The following SH3BP4 variants were observed in gnomAD, a reference collection of about 807,000 sequenced individuals.
SH3BP4 encodes SH3 domain binding protein 4.
SH3BP4 carries 33 observed loss-of-function variants against 65.5 expected under a neutral mutation model. The ratio of observed to expected loss-of-function variants is 0.50; its 90% CI spans 0.38 to 0.67. The LOEUF (loss-of-function observed/expected upper bound fraction) is 0.67. Among genes scored for constraint, SH3BP4 ranks in the 30% least tolerant of loss-of-function variants. SH3BP4 has a pLI of 0.00. For missense variants in SH3BP4, 1,134 were observed against 1,261.4 expected (o/e 0.90, Z 1.53); for synonymous variants, 552 against 545.5 (o/e 1.01, Z -0.17).
chr2:234,995,241 C>A (rs1438309522), intron 1 of SH3BP4, 62 bp from the exon 2 acceptor site: 1 of 152,400 alleles, frequency 6.6e-6, no homozygotes, highest in Non-Finnish European at 1.5e-5. Context: ...TGGCGGGAAG[C>A]AGGCCTGAGT....
chr2:234,989,523 C>T (rs1015610480), intron 1 of SH3BP4, among the ~76,000 whole-genome samples: 3 of 152,106 alleles, frequency 2.0e-5, no homozygotes, highest in African/African-American at 4.8e-5. Flanking sequence ...TTGCCCACTG[C>T]GTAAGTAGGA....
chr2:235,050,601 G>A (rs879400947), intron 4 of SH3BP4, among the ~76,000 whole-genome samples: 15 of 151,972 alleles, frequency 9.9e-5, no homozygotes, highest in East Asian at 1.9e-4. Context: ...CACCTAGAAG[G>A]ATCGTGAGTC....
At chr2:234,973,056 T>C (rs1693044637) in intron 1 of SH3BP4, among the ~76,000 whole-genome samples, 1 of 152,216 alleles carries the variant, frequency 6.6e-6, no homozygotes, top group Admixed American at 6.5e-5. Context: ...GTTACATGTG[T>C]ATCATAGAAG....
chr2:235,016,297 C>T (rs1694682589), intron 2 of SH3BP4, among the ~76,000 whole-genome samples: 1 of 152,136 alleles, frequency 6.6e-6, no homozygotes, highest in Non-Finnish European at 1.5e-5. Context: ...TTGTTTTCTG[C>T]TGCTTCTGTG....
In SH3BP4 at chr2:235,045,771, G is replaced by A. The variant is rs940491541; in HGVS notation, c.2478+2524G>A. 5.9e-5 allele frequency among the ~76,000 whole-genome samples: 9 copies of A among 152,110 alleles called. 1 individual carries two copies. The highest frequency in any genetic ancestry group is 3.9e-4 in the East Asian group (2 of 5,188). ...CACGATTTCTGCGGCCTCTGCCACC[G>A]CTTTACCTGCCCCTCCCAGAGAGTC... On this transcript the variant is annotated intron_variant, in intron 4 of 5. Transcript: ENST00000392011. This position sits in a 1 kb window ranked among gnomAD's most constrained non-coding sequence, Gnocchi z 4.3.
Position 235,034,979 on chromosome 2 carries a change from T to C in SH3BP4, c.-24T>C. 2 of 1,601,582 alleles carry C rather than the reference T, an allele frequency of 1.2e-6. No individual in the cohort carries two copies. The highest frequency in any genetic ancestry group is 1.7e-6 in the Non-Finnish European group (2 of 1,169,106). ...GGAAGAAATATGAAGCCTTAGCGGC[T>C]TTACCCGGGAAGCGAGTTTCGAGAT... is the stretch of plus-strand genomic sequence containing the variant. On this transcript the variant is annotated 5_prime_UTR_variant, in exon 3 of 6. Transcript: ENST00000392011. The surrounding 1 kb of genome is among the most constrained non-coding windows in gnomAD (Gnocchi z 6.2).
chr2:235,017,045 C>CTTTTT (rs995197698), intron 2 of SH3BP4, among the ~76,000 whole-genome samples: 853 of 86,536 alleles, frequency 9.9e-3, no homozygotes, highest in East Asian at 0.017. Flanking sequence ...GTTTGCCTTT[C>CTTTTT]TTTTTTTTTT....
At chr2:235,036,178 C>T (rs1695372393) in intron 3 of SH3BP4, among the ~76,000 whole-genome samples, 1 of 152,194 alleles carries the variant, frequency 6.6e-6, no homozygotes, top group African/African-American at 2.4e-5. Context: ...ACATCTTCTC[C>T]CTGCCTCTGA....
chr2:234,964,780 T>C (rs1016718451), intron 1 of SH3BP4, among the ~76,000 whole-genome samples: 3 of 152,104 alleles, frequency 2.0e-5, no homozygotes, highest in Non-Finnish European at 4.4e-5. Context: ...CTTCCCTCGC[T>C]TTGAACTTGT....
At chr2:235,013,545 G>A (rs1428211079) in intron 2 of SH3BP4, among the ~76,000 whole-genome samples, 2 of 152,286 alleles carry the variant, frequency 1.3e-5, no homozygotes, top group African/African-American at 4.8e-5. Flanking sequence ...TGCATATACC[G>A]CTGCAGACGA....
intron 1 of SH3BP4, among the ~76,000 whole-genome samples, chr2:234,985,478 A>G (rs73124253): frequency 0.011 from 1,709 of 152,326 alleles, 35 homozygotes; most frequent in African/African-American, 0.036. Context: ...CTCTGTGCAC[A>G]GCTGTTTTTG....
At chr2:234,959,653 CTTTT>C (rs148083180) in intron 1 of SH3BP4, among the ~76,000 whole-genome samples, 6 of 123,798 alleles carry the variant, frequency 4.8e-5, no homozygotes, top group Non-Finnish European at 8.8e-5. Flanking sequence ...GAGGATTTGA[CTTTT>C]TTTTTTTTTT....
intron 1 of SH3BP4, chr2:234,994,790 G>A (rs1176691054): frequency 2.0e-5 from 3 of 152,314 alleles, no homozygotes; most frequent in Non-Finnish European, 4.4e-5. Flanking sequence ...TCCCTGTGAA[G>A]CGGAACGTGA....
chr2:235,040,764 G>A (rs1056786846), intron 3 of SH3BP4, 124 bp from the exon 4 acceptor site: 1 of 807,664 alleles, frequency 1.2e-6, no homozygotes, highest in African/African-American at 1.7e-5. Context: ...GTTTGTTTCT[G>A]TTGGTGACTT....
intron 1 of SH3BP4, among the ~76,000 whole-genome samples, chr2:234,990,322 T>C (rs1022345634): frequency 1.1e-4 from 16 of 152,286 alleles, no homozygotes; most frequent in Middle Eastern, 3.4e-3. Flanking sequence ...CTGTAGAGGC[T>C]CTTCTGGCCG....
At position 235,045,049 on chromosome 2, in the gene SH3BP4, C is replaced by T. The variant is rs1695805738; in HGVS notation, c.2478+1802C>T. On this transcript the variant is annotated intron_variant, in intron 4 of 5. Coordinates refer to ENST00000392011, the MANE Select transcript of SH3BP4 (RefSeq NM_014521.3). This position sits in a 1 kb window ranked among gnomAD's most constrained non-coding sequence, Gnocchi z 4.3. ...AGGGAGGGGATGGCCTGCGTCCCTC[C>T]CATCAGCCATCACCCATGTGTGATT... 6.6e-6 allele frequency among the ~76,000 whole-genome samples: 1 copy of T among 152,210 alleles called. No individual in the cohort carries two copies.
intron 2 of SH3BP4, among the ~76,000 whole-genome samples, chr2:235,025,425 C>T (rs1022829860): frequency 3.9e-5 from 6 of 152,110 alleles, no homozygotes; most frequent in African/African-American, 1.4e-4. Context: ...TGATAAGCAG[C>T]CGAGGGAAGG....
chr2:235,019,949 A>G (rs1553564511), intron 2 of SH3BP4, among the ~76,000 whole-genome samples: 1 of 152,066 alleles, frequency 6.6e-6, no homozygotes, highest in African/African-American at 2.4e-5. Flanking sequence ...ATGTTTTTGT[A>G]AATGATATTT....
chr2:235,013,573 G>A (rs1694587952), intron 2 of SH3BP4, among the ~76,000 whole-genome samples: 1 of 151,004 alleles, frequency 6.6e-6, no homozygotes, highest in Non-Finnish European at 1.5e-5. Flanking sequence ...CCCACCAGGA[G>A]GAACTTGATT....
Sources: gnomAD v4.1 joint callset for allele counts (sites outside exome capture counted in the v4.1 genomes callset) on GRCh38, gnomAD v4.1.1 for gene constraint, Gnocchi (gnomAD v3.1) non-coding constraint, MANE v1.5 for transcripts, NCBI Gene and HGNC (gene_info 2026-07-23, HGNC 2026-07-21) for gene names.